Variants in SLC4A1AP observed in about 807,000 individuals in gnomAD.
SLC4A1AP encodes solute carrier family 4 member 1 adaptor protein.
In SLC4A1AP, 64 loss-of-function variants were observed where a neutral mutation model predicts 89.7. The ratio of observed to expected loss-of-function variants is 0.71; its 90% CI spans 0.58 to 0.88. SLC4A1AP has a LOEUF of 0.88. Among genes scored for constraint, SLC4A1AP ranks in the 40% least tolerant of loss-of-function variants. The pLI, the probability that SLC4A1AP is intolerant of heterozygous loss-of-function variation, is 0.00. For missense variants in SLC4A1AP, 931 were observed against 965.0 expected (o/e 0.96, Z 0.47); for synonymous variants, 366 against 353.3 (o/e 1.04, Z -0.40).
intron 12 of SLC4A1AP, chr2:27,692,418 T>G (rs891796013): frequency 6.6e-6 from 1 of 152,242 alleles, no homozygotes; most frequent in Non-Finnish European, 1.5e-5. Context: ...GTCTATCATA[T>G]GGTCTATCTT....
At chr2:27,669,473 A>G (rs1369707125) in intron 5 of SLC4A1AP, 86 bp downstream of exon 5, 32 of 1,307,974 alleles carry the variant, frequency 2.4e-5, no homozygotes, top group Non-Finnish European at 3.1e-5. Flanking sequence ...ATGGGGGGAA[A>G]ATGTAAATTG....
At chr2:27,669,502 G>A in intron 5 of SLC4A1AP, 115 bp downstream of exon 5, 1 of 1,020,936 alleles carries the variant, frequency 9.8e-7, no homozygotes, top group South Asian at 2.0e-5. Flanking sequence ...TTTTTGAAGT[G>A]AAAAGAGAAA....
At chr2:27,686,974 G>C (rs1345379679) in intron 10 of SLC4A1AP, among the ~76,000 whole-genome samples, 1 of 152,126 alleles carries the variant, frequency 6.6e-6, no homozygotes, top group African/African-American at 2.4e-5. Context: ...GCACATGCTT[G>C]TAGAGAAAAT....
At chr2:27,664,220 G>A in exon 1 of SLC4A1AP, 1 of 1,614,118 alleles carries the variant, frequency 6.2e-7, no homozygotes, top group African/African-American at 1.3e-5. Flanking sequence ...CCTACCAAGA[G>A]CCTCCATGGG....
At chr2:27,683,502 C>A (rs1214399020) in intron 9 of SLC4A1AP, among the ~76,000 whole-genome samples, 1 of 152,162 alleles carries the variant, frequency 6.6e-6, no homozygotes, top group Non-Finnish European at 1.5e-5. Flanking sequence ...TGTGCACTTG[C>A]ACTCCTGGTG....
At chr2:27,668,542 T>C (rs1675370769) in intron 3 of SLC4A1AP, 4 of 531,960 alleles carry the variant, frequency 7.5e-6, no homozygotes, top group East Asian at 4.4e-5. Flanking sequence ...CTTGACCTCC[T>C]GGGTTTAAGC....
chr2:27,688,148 C>A (rs1048140079), intron 11 of SLC4A1AP, 128 bp downstream of exon 11: 2 of 678,412 alleles, frequency 2.9e-6, no homozygotes, highest in Non-Finnish European at 5.0e-6. Context: ...GCCACTAGGC[C>A]CCTGGACAAA....
intron 12 of SLC4A1AP, chr2:27,692,586 G>C (rs1452374774): frequency 6.6e-6 from 1 of 152,182 alleles, no homozygotes; most frequent in East Asian, 1.9e-4. Flanking sequence ...TCAGTGGAGT[G>C]TGAAGTCTTC....
intron 10 of SLC4A1AP, among the ~76,000 whole-genome samples, chr2:27,687,457 G>T (rs1398705593): frequency 6.6e-6 from 1 of 152,046 alleles, no homozygotes; most frequent in Non-Finnish European, 1.5e-5. Context: ...CAGGCATGGT[G>T]GTACATGCCT....
intron 8 of SLC4A1AP, among the ~76,000 whole-genome samples, chr2:27,681,132 A>C (rs1047022235): frequency 1.3e-5 from 2 of 152,180 alleles, no homozygotes; most frequent in African/African-American, 2.4e-5. Context: ...ATGTAGCTGA[A>C]AACATCTGTG....
intron 11 of SLC4A1AP, 81 bp downstream of exon 11, chr2:27,688,101 C>T (rs552854720): frequency 3.4e-5 from 37 of 1,104,100 alleles, no homozygotes; most frequent in Admixed American, 2.4e-4. Flanking sequence ...GGCAGCTGAC[C>T]TGAAGGCAGC....
chr2:27,692,917 T>C (rs1483058339), intron 12 of SLC4A1AP: 1 of 151,522 alleles, frequency 6.6e-6, no homozygotes, highest in African/African-American at 2.4e-5. Flanking sequence ...ATGGCAGATA[T>C]TTGGTTTGCG....
intron 5 of SLC4A1AP, among the ~76,000 whole-genome samples, chr2:27,672,684 TTGGAATATATAGGTGGGGTTTCTGCA>T (rs1314202231): frequency 1.3e-5 from 2 of 152,190 alleles, no homozygotes; most frequent in East Asian, 1.9e-4. Flanking sequence ...GATTGACAGT[TTGGAATATATAGGTGGGGTTTCTGCA>T]TGGAATATAT....
At position 27,675,530 on chromosome 2, in the gene SLC4A1AP, A is replaced by G; in HGVS notation, c.1346-2A>G. ...TTTATTCATCATTTTATCTACCTCT[A>G]GTATCTCGGAAAAGGAAAGCCAAGA... On this transcript the variant is annotated splice_acceptor_variant, in intron 5 of 13. Coordinates refer to ENST00000613058, the Ensembl canonical transcript of SLC4A1AP. LOFTEE classifies it high-confidence loss of function. 7.0e-6 allele frequency: 11 copies of G among 1,560,524 alleles called. No individual in the cohort carries two copies. The highest frequency in any genetic ancestry group is 9.5e-6 in the Non-Finnish European group (11 of 1,152,024).
At chr2:27,683,688 A>G (rs1217118232) in intron 9 of SLC4A1AP, among the ~76,000 whole-genome samples, 1 of 152,180 alleles carries the variant, frequency 6.6e-6, no homozygotes, top group African/African-American at 2.4e-5. Context: ...ACCCTGAATT[A>G]GGGTATACTG....
chr2:27,694,587 C>T, intron 13 of SLC4A1AP, 47 bp from the exon 14 acceptor site: 2 of 1,402,304 alleles, frequency 1.4e-6, no homozygotes, highest in East Asian at 2.4e-5. Context: ...TCTCTCCTGA[C>T]TTTGGAAGAG....
intron 12 of SLC4A1AP, among the ~76,000 whole-genome samples, chr2:27,689,504 A>G (rs1675755345): frequency 6.6e-6 from 1 of 152,200 alleles, no homozygotes. Flanking sequence ...CAGGCTTCCA[A>G]GGATGTCTTC....
chr2:27,663,932 T>G, exon 1 of SLC4A1AP: 1 of 1,614,120 alleles, frequency 6.2e-7, no homozygotes, highest in Non-Finnish European at 8.5e-7. Context: ...ACATTCTCTC[T>G]CAGTCAGAGA....
intron 5 of SLC4A1AP, among the ~76,000 whole-genome samples, chr2:27,674,768 G>A (rs13410238): frequency 0.057 from 8,409 of 146,780 alleles, 672 homozygotes; most frequent in African/African-American, 0.18. Flanking sequence ...CTGGAGTGCA[G>A]TGGCGCTTTC....
Sources: gnomAD v4.1 joint callset for allele counts (sites outside exome capture counted in the v4.1 genomes callset) on GRCh38, gnomAD v4.1.1 for gene constraint, MANE v1.5 for transcripts, NCBI Gene and HGNC (gene_info 2026-07-23, HGNC 2026-07-21) for gene names.